ZNF705A: variants seen among roughly 807,000 people sequenced by gnomAD.
ZNF705A encodes zinc finger protein 705A.
ZNF705A carries 8 observed loss-of-function variants against 16.6 expected under a neutral mutation model. The ratio of observed to expected loss-of-function variants is 0.48; its 90% confidence interval spans 0.28 to 0.87. The LOEUF is 0.87. Among genes scored for constraint, ZNF705A ranks in the 40% least tolerant of loss-of-function variants. ZNF705A has a pLI of 0.10. For missense variants in ZNF705A, 233 were observed against 359.9 expected (o/e 0.65, Z 2.85); for synonymous variants, 73 against 117.3 (o/e 0.62, Z 2.44).
chr12:8,158,550 G>A (rs1337872671), intron 1 of ZNF705A, among the ~76,000 whole-genome samples: 1 of 151,846 alleles, frequency 6.6e-6, no homozygotes, highest in Non-Finnish European at 1.5e-5. Context: ...TCCTATTGAT[G>A]GAAATTTGTT....
upstream of ZNF705A, among the ~76,000 whole-genome samples, chr12:8,169,112 T>C (rs1194738559): frequency 6.6e-6 from 1 of 152,236 alleles, no homozygotes; most frequent in Non-Finnish European, 1.5e-5. Flanking sequence ...TAATTTTATT[T>C]TATTGTATGT....
intron 1 of ZNF705A, among the ~76,000 whole-genome samples, chr12:8,161,789 G>A (rs917121110): frequency 2.0e-5 from 3 of 152,258 alleles, no homozygotes; most frequent in African/African-American, 2.4e-5. Context: ...CCAAAAGCAC[G>A]GAGGCCGCCG....
chr12:8,157,027 A>G (rs1948315805), upstream of ZNF705A: 3 of 398,064 alleles, frequency 7.5e-6, no homozygotes, highest in Non-Finnish European at 1.3e-5. Context: ...CTCGTCAAAA[A>G]TCTGCATAAT....
At chr12:8,166,395 G>C (rs1465192827) in intron 1 of ZNF705A, among the ~76,000 whole-genome samples, 1 of 152,186 alleles carries the variant, frequency 6.6e-6, no homozygotes, top group Non-Finnish European at 1.5e-5. Context: ...GTTGTGGGGG[G>C]ACCCAGTGGC....
upstream of ZNF705A, among the ~76,000 whole-genome samples, chr12:8,170,184 TCC>T (rs35676407): frequency 2.0e-3 from 129 of 65,902 alleles, 3 homozygotes; most frequent in Admixed American, 5.2e-3. Flanking sequence ...AGCGAAACTC[TCC>T]CCCCCCCCCC....
At chr12:8,163,165 T>G (rs1300818838) in intron 1 of ZNF705A, among the ~76,000 whole-genome samples, 1 of 152,056 alleles carries the variant, frequency 6.6e-6, no homozygotes, top group Admixed American at 6.6e-5. Context: ...GTCAGGAAAA[T>G]TGTCTTCCTT....
At chr12:8,157,489 C>A (rs1313638295) in intron 1 of ZNF705A, among the ~76,000 whole-genome samples, 3 of 152,178 alleles carry the variant, frequency 2.0e-5, no homozygotes, top group South Asian at 4.2e-4. Flanking sequence ...CACTTGAATA[C>A]TGGCCTTTGA....
intron 1 of ZNF705A, among the ~76,000 whole-genome samples, chr12:8,160,940 C>T (rs886494280): frequency 7.9e-5 from 12 of 152,046 alleles, no homozygotes; most frequent in East Asian, 7.7e-4. Context: ...TTTCCTCATT[C>T]GGTATTTTGT....
upstream of ZNF705A, among the ~76,000 whole-genome samples, chr12:8,169,965 G>A (rs1477875062): frequency 3.9e-5 from 6 of 152,144 alleles, no homozygotes; most frequent in East Asian, 1.9e-4. Flanking sequence ...GGAGGCTAGC[G>A]GATCACCTGA....
At position 8,172,650 on chromosome 12, in the gene ZNF705A, T is replaced by C. The variant is rs1387854735; in HGVS notation, c.12+13T>C. The C allele has an allele frequency of 3.1e-6, 5 of 1,596,414 alleles. No individual in the cohort carries two copies. The highest frequency in any genetic ancestry group is 4.2e-6 in the Non-Finnish European group (5 of 1,179,728). ...AATGCATTCACTAGTGAGTAGGGGA[T>C]GCTTCTTTCTACTGAAATTATACCC... is the stretch of plus-strand genomic sequence containing the variant. On this transcript the variant is annotated intron_variant, in intron 1 of 4. Coordinates refer to ENST00000359286, the Ensembl canonical transcript of ZNF705A.
intron 1 of ZNF705A, among the ~76,000 whole-genome samples, chr12:8,164,403 A>G (rs1397688909): frequency 1.3e-5 from 2 of 152,184 alleles, no homozygotes; most frequent in Non-Finnish European, 2.9e-5. Context: ...ATGTTGTCAC[A>G]AATGACAGGG....
At chr12:8,165,967 AATAAAT>A (rs1948396288) in intron 1 of ZNF705A, among the ~76,000 whole-genome samples, 1 of 152,234 alleles carries the variant, frequency 6.6e-6, no homozygotes, top group Non-Finnish European at 1.5e-5. Context: ...ATAATGCTAT[AATAAAT>A]ATATGAGTGC....
chr12:8,178,534 A>G (rs1948504669), exon 5 of ZNF705A: 1 of 152,402 alleles, frequency 6.6e-6, no homozygotes, highest in African/African-American at 2.4e-5. Context: ...TTCTCATCAG[A>G]AAAGTGAGTC....
At chr12:8,159,344 G>A (rs1948334589) in intron 1 of ZNF705A, among the ~76,000 whole-genome samples, 1 of 152,114 alleles carries the variant, frequency 6.6e-6, no homozygotes, top group Admixed American at 6.6e-5. Flanking sequence ...TAGTGAGATT[G>A]CTGGATCAAA....
At chr12:8,177,789 G>A (rs1948498492) in exon 5 of ZNF705A, 4 of 831,886 alleles carry the variant, frequency 4.8e-6, no homozygotes, top group Non-Finnish European at 7.3e-6. Context: ...AGCTGTAGTT[G>A]TAGCATCTAA....
upstream of ZNF705A, among the ~76,000 whole-genome samples, chr12:8,169,500 G>A (rs1273836600): frequency 6.6e-6 from 1 of 152,124 alleles, no homozygotes; most frequent in Non-Finnish European, 1.5e-5. Context: ...CTCTGTGGTG[G>A]TCTTTGCATT....
At chr12:8,169,308 T>G (rs893401713), upstream of ZNF705A, among the ~76,000 whole-genome samples, 9 of 152,218 alleles carry the variant, frequency 5.9e-5, no homozygotes, top group African/African-American at 2.2e-4. Context: ...CCTGAACTGC[T>G]TTGAATATAT....
chr12:8,164,507 C>A (rs1008692924), intron 1 of ZNF705A, among the ~76,000 whole-genome samples: 34 of 152,162 alleles, frequency 2.2e-4, no homozygotes, highest in Non-Finnish European at 4.9e-4. Context: ...CCCAACAGGC[C>A]CCAGTGTGTG....
At chr12:8,168,134 A>G (rs1248152998), upstream of ZNF705A, among the ~76,000 whole-genome samples, 2 of 151,960 alleles carry the variant, frequency 1.3e-5, no homozygotes, top group Middle Eastern at 3.2e-3. Context: ...ATGCTTTGCC[A>G]TTTTTGTCTC....
Sources: gnomAD v4.1 joint callset for allele counts (sites outside exome capture counted in the v4.1 genomes callset) on GRCh38, gnomAD v4.1.1 for gene constraint, MANE v1.5 for transcripts, NCBI Gene and HGNC (gene_info 2026-07-23, HGNC 2026-07-21) for gene names.